Variants in SASH1 observed in about 807,000 individuals in gnomAD.
The protein encoded by SASH1 is SAM and SH3 domain-containing protein 1.
In SASH1, 44 loss-of-function variants were observed where a neutral mutation model predicts 125.2. The ratio of observed to expected loss-of-function variants is 0.35; its 90% CI spans 0.28 to 0.45. The LOEUF is 0.45. SASH1 is among the 20% of genes least tolerant of loss of function. SASH1 has a pLI of 1.00. For missense variants in SASH1, 1,426 were observed against 1,614.5 expected, an observed-to-expected ratio of 0.88 and a Z score of 2.00; for synonymous variants, 639 against 649.1, an observed-to-expected ratio of 0.98 and a Z score of 0.24.
chr6:148,283,698 C>T (rs1033966592), intron 1 of SASH1, among the ~76,000 whole-genome samples: 2 of 151,960 alleles, frequency 1.3e-5, no homozygotes, highest in African/African-American at 4.8e-5. Context: ...CATTTGAACC[C>T]GAGAGACGGA....
chr6:148,306,250 C>T (rs775354436), intron 1 of SASH1, among the ~76,000 whole-genome samples: 1 of 152,204 alleles, frequency 6.6e-6, no homozygotes, highest in East Asian at 1.9e-4. Flanking sequence ...GCCATTGACC[C>T]AACCCAAAAG....
chr6:148,284,670 T>C (rs1779436500), intron 1 of SASH1, among the ~76,000 whole-genome samples: 1 of 152,222 alleles, frequency 6.6e-6, no homozygotes, highest in Non-Finnish European at 1.5e-5. Flanking sequence ...CATTACAAAC[T>C]CTTTGAGAGC....
chr6:148,259,098 G>A, the SASH1 span, among the ~76,000 whole-genome samples: 1 of 152,164 alleles, frequency 6.6e-6, no homozygotes, highest in African/African-American at 2.4e-5. Flanking sequence ...TATTATGACT[G>A]GATGGTACTC....
chr6:148,474,278 A>G (rs1778246154), intron 7 of SASH1, 56 bp downstream of exon 7: 1 of 1,141,334 alleles, frequency 8.8e-7, no homozygotes, highest in Non-Finnish European at 1.3e-6. Context: ...CTGAAGTGTA[A>G]AAATGTTTGC....
At chr6:148,349,986 C>T (rs547837831) in intron 1 of SASH1, among the ~76,000 whole-genome samples, 1 of 152,170 alleles carries the variant, frequency 6.6e-6, no homozygotes, top group African/African-American at 2.4e-5. Context: ...GCTGGGACTA[C>T]AGGCGCCTGC....
Position 148,551,878 on chromosome 6 carries a change from T to G in SASH1, c.*3320T>G, listed in dbSNP as rs1782891642. ...AGTACCAATATGTTCTTGCAATTGC[T>G]TCAGCCCAAGAAAGCTGTGTATTGT... On this transcript the variant is annotated 3_prime_UTR_variant, in exon 20 of 20. Transcript: ENST00000367467. The G allele has an allele frequency of 6.6e-6, 1 of 152,658 alleles. No homozygotes were observed. The highest frequency in any genetic ancestry group is 1.5e-5 in the Non-Finnish European group (1 of 68,040). The allele number at this position is 152,658 out of a possible 1,614,324, so 9.5% of individuals were successfully genotyped here.
the SASH1 span, among the ~76,000 whole-genome samples, chr6:148,241,939 G>T: frequency 1.3e-5 from 2 of 152,142 alleles, no homozygotes; most frequent in Non-Finnish European, 2.9e-5. Flanking sequence ...AATAACCTGA[G>T]AATTGGGTCA....
intron 2 of SASH1, among the ~76,000 whole-genome samples, chr6:148,414,683 T>G (rs1358627384): frequency 1.3e-5 from 2 of 152,142 alleles, no homozygotes; most frequent in African/African-American, 4.8e-5. Context: ...TTTATTTTTT[T>G]GAGACAGGGT....
intron 1 of SASH1, among the ~76,000 whole-genome samples, chr6:148,328,636 C>A (rs535737829): frequency 4.1e-4 from 63 of 151,812 alleles, no homozygotes; most frequent in African/African-American, 1.2e-3. Flanking sequence ...TACTTTTGCA[C>A]CTAGTAAGCT....
intron 1 of SASH1, among the ~76,000 whole-genome samples, chr6:148,310,104 C>A (rs1352032059): frequency 6.6e-6 from 1 of 152,126 alleles, no homozygotes; most frequent in Non-Finnish European, 1.5e-5. Flanking sequence ...GGTGGATCAC[C>A]GGAGATCAGG....
chr6:148,489,455 C>T lies in SASH1; in HGVS notation c.729+1740C>T, dbSNP rs372607709. The stretch of plus-strand genomic sequence containing the variant: ...AGGTTGTTTTGGCTATTTAAAGGTT[C>T]CTTGAGATTCCACATTAATCTTAGT... On this transcript the variant is annotated intron_variant, in intron 8 of 19. Coordinates refer to ENST00000367467, the MANE Select transcript of SASH1 (RefSeq NM_015278.5). Among the ~76,000 whole-genome samples, 5 of 152,250 alleles carry T rather than the reference C, an allele frequency of 3.3e-5. No homozygotes were observed. In the East Asian group the frequency reaches 9.6e-4, roughly 29 times the overall value.
At chr6:148,313,427 C>T (rs1780389262) in intron 1 of SASH1, among the ~76,000 whole-genome samples, 1 of 152,094 alleles carries the variant, frequency 6.6e-6, no homozygotes, top group African/African-American at 2.4e-5. Flanking sequence ...TTTCCATGTC[C>T]TGTGATTCCT....
intron 8 of SASH1, among the ~76,000 whole-genome samples, chr6:148,491,273 T>TTTG (rs767198543): frequency 6.6e-6 from 1 of 152,246 alleles, no homozygotes; most frequent in Non-Finnish European, 1.5e-5. Context: ...TTCATTCTTT[T>TTTG]TTGTTGTTGT....
At chr6:148,447,671 TC>T (rs1167242089) in intron 4 of SASH1, among the ~76,000 whole-genome samples, 15 of 113,032 alleles carry the variant, frequency 1.3e-4, no homozygotes, top group Admixed American at 3.5e-4. Context: ...TTCCTCTTGT[TC>T]TTCCTCCTCT....
intron 1 of SASH1, among the ~76,000 whole-genome samples, chr6:148,350,506 T>G (rs957710567): frequency 1.4e-4 from 22 of 152,168 alleles, no homozygotes; most frequent in African/African-American, 5.1e-4. Flanking sequence ...CAATGCAAAT[T>G]TATTCATTTG....
At chr6:148,448,741 C>A (rs1776931672) in intron 4 of SASH1, among the ~76,000 whole-genome samples, 1 of 152,170 alleles carries the variant, frequency 6.6e-6, no homozygotes, top group South Asian at 2.1e-4. Flanking sequence ...AATCTGGTGG[C>A]CTGCCTATTA....
intron 1 of SASH1, among the ~76,000 whole-genome samples, chr6:148,384,728 T>C (rs1023817326): frequency 6.6e-6 from 1 of 152,218 alleles, no homozygotes; most frequent in African/African-American, 2.4e-5. Flanking sequence ...GCATGGCTTT[T>C]TAAAAACTGC....
chr6:148,263,555 G>T, the SASH1 span, among the ~76,000 whole-genome samples: 3 of 152,224 alleles, frequency 2.0e-5, no homozygotes, highest in African/African-American at 7.2e-5. Context: ...TTCTGATGGA[G>T]GTGATATTAA....
At chr6:148,483,956 T>C (rs981406196) in intron 7 of SASH1, among the ~76,000 whole-genome samples, 6 of 152,156 alleles carry the variant, frequency 3.9e-5, no homozygotes, top group Non-Finnish European at 1.5e-5. Context: ...AAAGGATTTA[T>C]CTCAAAAGAA....
Sources: gnomAD v4.1 joint callset for allele counts (sites outside exome capture counted in the v4.1 genomes callset) on GRCh38, gnomAD v4.1.1 for gene constraint, MANE v1.5 for transcripts, NCBI Gene and HGNC (gene_info 2026-07-23, HGNC 2026-07-21) for gene names.